Variants in PCDHA10 observed in about 807,000 individuals in gnomAD.
PCDHA10 encodes the protein protocadherin alpha 10.
Under a neutral mutation model 61.2 loss-of-function variants are expected in PCDHA10, and 45 were observed. The observed-to-expected ratio is 0.74, with a 90% CI of 0.58 to 0.94. PCDHA10 has a LOEUF of 0.94. PCDHA10 is among the 40% of genes least tolerant of loss of function. PCDHA10 has a pLI of 0.00. For synonymous variants in PCDHA10, 602 were observed against 548.8 expected (o/e 1.10, Z -1.35); for missense variants, 1,278 against 1,236.2 (o/e 1.03, Z -0.51).
intron 1 of PCDHA10, among the ~76,000 whole-genome samples, chr5:140,918,094 T>C (rs1001602407): frequency 1.3e-5 from 2 of 152,188 alleles, no homozygotes; most frequent in East Asian, 1.9e-4. Context: ...ATTCTTTTTA[T>C]AGAGATCTTT....
chr5:140,909,164 A>T (rs2074347084), intron 1 of PCDHA10, among the ~76,000 whole-genome samples: 1 of 152,238 alleles, frequency 6.6e-6, no homozygotes, highest in South Asian at 2.1e-4. Context: ...AGGGAAAATC[A>T]ATCAAGTTCT....
intron 1 of PCDHA10, chr5:140,883,989 G>A (rs1554180956): frequency 6.2e-7 from 1 of 1,612,952 alleles, no homozygotes; most frequent in Non-Finnish European, 8.5e-7. Flanking sequence ...GGCAGCGCGG[G>A]AGGCACAGTG....
chr5:140,918,238 T>A (rs1486197237), intron 1 of PCDHA10, among the ~76,000 whole-genome samples: 3 of 152,176 alleles, frequency 2.0e-5, no homozygotes, highest in African/African-American at 7.2e-5. Context: ...GTACATTGAT[T>A]TTGTATGCTG....
intron 1 of PCDHA10, chr5:140,868,982 A>T: frequency 6.7e-7 from 1 of 1,495,310 alleles, no homozygotes; most frequent in East Asian, 2.3e-5. Context: ...ATCATACCGG[A>T]TGCCACCGTT....
rs151084513 is a variant in PCDHA10, at chr5:140,927,608, G to T, written c.2389-51341G>T. The T allele has an allele frequency of 1.2e-6, 2 of 1,614,168 alleles. No individual in the cohort carries two copies. The highest frequency in any genetic ancestry group is 3.3e-4 in the Middle Eastern group (2 of 6,062). Reference sequence around the variant, plus strand: ...CCTGTATTTGAGCGCTCCGTATACCGCACCAAGGTTCCAGAGACTGCACCC... The same window carrying T: ...CCTGTATTTGAGCGCTCCGTATACCTCACCAAGGTTCCAGAGACTGCACCC... On this transcript the variant is annotated intron_variant, in intron 1 of 3. Coordinates refer to ENST00000307360, the MANE Select transcript of PCDHA10 (RefSeq NM_018901.4).
At chr5:140,976,250 A>C (rs1420287471) in intron 1 of PCDHA10, among the ~76,000 whole-genome samples, 1 of 152,144 alleles carries the variant, frequency 6.6e-6, no homozygotes, top group Non-Finnish European at 1.5e-5. Flanking sequence ...ATGTAAATTT[A>C]TTTAAAACAC....
intron 1 of PCDHA10, among the ~76,000 whole-genome samples, chr5:140,941,214 C>CCTTTCTTTCTTCCTTTCTTTCTTTCTTT (rs2092876516): frequency 4.1e-5 from 5 of 122,412 alleles, no homozygotes; most frequent in Non-Finnish European, 8.5e-5. Flanking sequence ...TTTCTTTCTT[C>CCTTTCTTTCTTCCTTTCTTTCTTTCTTT]CTTTCTTTCT....
chr5:140,941,214 C>CTTCCTTTCTTTCTTTCTTT (rs1554214039), intron 1 of PCDHA10, among the ~76,000 whole-genome samples: 1 of 122,414 alleles, frequency 8.2e-6, no homozygotes, highest in Non-Finnish European at 1.7e-5. Context: ...TTTCTTTCTT[C>CTTCCTTTCTTTCTTTCTTT]CTTTCTTTCT....
intron 1 of PCDHA10, among the ~76,000 whole-genome samples, chr5:140,934,050 C>T (rs558726288): frequency 6.6e-6 from 1 of 151,952 alleles, no homozygotes; most frequent in East Asian, 1.9e-4. Flanking sequence ...TTAGTCTTTC[C>T]AAGGCTAACT....
intron 1 of PCDHA10, among the ~76,000 whole-genome samples, chr5:140,948,960 G>A (rs900113633): frequency 5.9e-5 from 9 of 151,550 alleles, no homozygotes; most frequent in Non-Finnish European, 1.2e-4. Context: ...TTAAAGCCAC[G>A]AATTTATTAG....
chr5:140,946,658 A>C (rs2094004902), intron 1 of PCDHA10, among the ~76,000 whole-genome samples: 1 of 147,652 alleles, frequency 6.8e-6, no homozygotes, highest in South Asian at 2.1e-4. Flanking sequence ...CAGCCATTAG[A>C]AAGAATGAAA....
intron 1 of PCDHA10, chr5:140,883,500 G>C (rs1562789727): frequency 6.2e-7 from 1 of 1,614,100 alleles, no homozygotes; most frequent in African/African-American, 1.3e-5. Flanking sequence ...GTGCTGGACA[G>C]CGCCCTGGAC....
chr5:140,990,895 G>A (rs550774822), intron 3 of PCDHA10, among the ~76,000 whole-genome samples: 15 of 152,284 alleles, frequency 9.9e-5, no homozygotes, highest in Non-Finnish European at 1.9e-4. Flanking sequence ...GTGGGTCGTT[G>A]CTGGGTCAAG....
intron 1 of PCDHA10, among the ~76,000 whole-genome samples, chr5:140,893,546 A>T (rs765690335): frequency 2.0e-5 from 3 of 152,210 alleles, no homozygotes; most frequent in Non-Finnish European, 4.4e-5. Context: ...TGTAGGACTT[A>T]TCTAGTTGTA....
At chr5:141,006,741 A>G (rs1275777013) in intron 3 of PCDHA10, among the ~76,000 whole-genome samples, 2 of 152,208 alleles carry the variant, frequency 1.3e-5, no homozygotes, top group Non-Finnish European at 2.9e-5. Flanking sequence ...TTGATGATGT[A>G]TTATAAATGG....
intron 1 of PCDHA10, among the ~76,000 whole-genome samples, chr5:140,893,506 A>G (rs2064024014): frequency 1.3e-5 from 2 of 152,170 alleles, no homozygotes; most frequent in African/African-American, 4.8e-5. Flanking sequence ...AGAAAAAAAA[A>G]GCAGTTGTAG....
At chr5:140,900,546 G>A (rs1430203463) in intron 1 of PCDHA10, among the ~76,000 whole-genome samples, 3 of 152,162 alleles carry the variant, frequency 2.0e-5, no homozygotes, top group East Asian at 1.9e-4. Context: ...CAAAGTGCTG[G>A]GATTACAGGC....
chr5:140,998,228 T>G (rs528236708), intron 3 of PCDHA10, among the ~76,000 whole-genome samples: 1 of 152,288 alleles, frequency 6.6e-6, no homozygotes, highest in East Asian at 1.9e-4. Flanking sequence ...ACCCAGAAAT[T>G]TGTGCATTAT....
intron 1 of PCDHA10, chr5:140,881,378 G>A (rs2058692175): frequency 1.0e-6 from 1 of 984,802 alleles, no homozygotes; most frequent in Non-Finnish European, 1.2e-6. Context: ...ATTGCAGCCG[G>A]CGGCGGTAAG....
Sources: allele counts gnomAD v4.1 joint callset (sites outside exome capture counted in the v4.1 genomes callset), GRCh38; gene constraint gnomAD v4.1.1; transcripts MANE v1.5; gene names NCBI Gene and HGNC (gene_info 2026-07-23, HGNC 2026-07-21).